ASB2: variants seen among roughly 807,000 people sequenced by gnomAD.
The protein encoded by ASB2 is ankyrin repeat and SOCS box containing 2, also known as ankyrin repeat and SOCS box protein 2.
ASB2 carries 58 observed loss-of-function variants against 62.4 expected under a neutral mutation model. That is an observed-to-expected ratio of 0.93 (90% CI 0.75 to 1.16). The LOEUF (loss-of-function observed/expected upper bound fraction) is 1.16. Among genes scored for constraint, ASB2 ranks in the 50% most tolerant of loss-of-function variants. The pLI is 0.00. For missense variants in ASB2, 928 were observed against 887.9 expected, an observed-to-expected ratio of 1.05 and a Z score of -0.57; for synonymous variants, 386 against 385.3, an observed-to-expected ratio of 1.00 and a Z score of -0.02.
chr14:93,935,430 A>ATTCATTCG (rs1488836530), intron 9 of ASB2, among the ~76,000 whole-genome samples: 2 of 152,060 alleles, frequency 1.3e-5, no homozygotes, highest in African/African-American at 4.8e-5. Flanking sequence ...AATGTCATTC[A>ATTCATTCG]TTCATTCATT....
chr14:93,972,646 C>T (rs963703038), intron 1 of ASB2, among the ~76,000 whole-genome samples: 2 of 152,220 alleles, frequency 1.3e-5, no homozygotes, highest in South Asian at 2.1e-4. Flanking sequence ...TCAGTTGCTC[C>T]GTGACCCTAA....
intron 9 of ASB2, 146 bp downstream of exon 9, chr14:93,937,552 G>T (rs1888313321): frequency 2.5e-6 from 2 of 811,934 alleles, no homozygotes; most frequent in Non-Finnish European, 1.8e-6. Flanking sequence ...CTGAGAGGCA[G>T]ATTCCTCATG....
intron 2 of ASB2, among the ~76,000 whole-genome samples, chr14:93,963,415 G>A (rs1398343759): frequency 6.6e-6 from 1 of 152,028 alleles, no homozygotes; most frequent in Non-Finnish European, 1.5e-5. Context: ...AGGAGCAAAA[G>A]CAATTTTATG....
At chr14:93,946,621 C>T (rs548172080) in intron 7 of ASB2, among the ~76,000 whole-genome samples, 1 of 152,344 alleles carries the variant, frequency 6.6e-6, no homozygotes, top group East Asian at 1.9e-4. Context: ...CTAGCCCCGG[C>T]TCGTCTGTCT....
At position 93,941,654 on chromosome 14, in the gene ASB2, T is replaced by TTG. The variant is rs758396554; in HGVS notation, c.1053-1983_1053-1982insCA. ...TGGCGGCCACGGCCAACAAATGCTC[T>TTG]GCTAACAGCTGTAACGTGCCCAAGA... On this transcript the variant is annotated intron_variant, in intron 7 of 9. Coordinates refer to ENST00000555019, the MANE Select transcript of ASB2 (RefSeq NM_001202429.2). 2.1e-3 allele frequency: 977 copies of TTG among 455,742 alleles called. 11 individuals carry two copies. The highest frequency in any genetic ancestry group is 0.017 in the African/African-American group (871 of 49,930). The allele number at this position is 455,742 out of a possible 1,614,324, so 28.2% of individuals were successfully genotyped here. A position where few individuals can be genotyped will look rare whatever the true frequency, so the allele number is the denominator to read the frequency against.
At position 93,950,888 on chromosome 14, in the gene ASB2, C is replaced by T. The variant is rs1362692299; in HGVS notation, c.880+111G>A. The T allele has an allele frequency of 2.5e-6, 3 of 1,210,744 alleles. No individual in the cohort carries two copies. In the African/African-American group the frequency reaches 4.5e-5, roughly 18 times the overall value. 75.0% of individuals were successfully genotyped at this position (1,210,744 alleles called of 1,614,324 possible). ...CTCTAGGAGGAAACTCTCACTCCAT[C>T]AGTGTGCGCACAAGATGACCCCTAA... is the stretch of plus-strand genomic sequence containing the variant. On this transcript the variant is annotated intron_variant, in intron 6 of 9. Coordinates refer to ENST00000555019, the MANE Select transcript of ASB2 (RefSeq NM_001202429.2).
intron 9 of ASB2, among the ~76,000 whole-genome samples, chr14:93,936,841 G>C (rs1226254230): frequency 3.9e-5 from 6 of 152,190 alleles, no homozygotes; most frequent in African/African-American, 1.4e-4. Flanking sequence ...CTCAGAGCCA[G>C]AGAAAGCCCT....
chr14:93,971,071 G>A (rs1019269898), intron 1 of ASB2, among the ~76,000 whole-genome samples: 3 of 152,196 alleles, frequency 2.0e-5, no homozygotes, highest in Non-Finnish European at 2.9e-5. Flanking sequence ...CGGTTCTCTA[G>A]GAGGCTCCAT....
Position 93,934,535 on chromosome 14 carries a change from T to A in ASB2, c.*121A>T. On this transcript the variant is annotated 3_prime_UTR_variant, in exon 10 of 10. Coordinates refer to ENST00000555019, the MANE Select transcript of ASB2 (RefSeq NM_001202429.2). ...GTGAGATCCTGGTAGCTGTCCAGGCTGAGAGGGAGGCAGCCTGCAGCCTCG... is the reference window on the plus strand; with the variant it reads ...GTGAGATCCTGGTAGCTGTCCAGGCAGAGAGGGAGGCAGCCTGCAGCCTCG... The A allele has an allele frequency of 1.0e-6, 1 of 987,238 alleles. No individual in the cohort carries two copies. Among genetic ancestry groups the A allele is most frequent in the South Asian group, 1.5e-5 (1 of 66,724 alleles). The allele number at this position is 987,238 out of a possible 1,614,324, so 61.2% of individuals were successfully genotyped here. A position where few individuals can be genotyped will look rare whatever the true frequency, so the allele number is the denominator to read the frequency against.
rs35127276 is a variant in ASB2, at chr14:93,938,233, C to CTTTTTTTTTTTTT, written c.1618-395_1618-383dup. On this transcript the variant is annotated intron_variant, in intron 8 of 9. Transcript: ENST00000555019. ...TGTCTAACTTCCTTTTAAGTTCTGA[C>CTTTTTTTTTTTTT]TTTTTTTTTTTTTTTTTTTTTTTTT... Among the ~76,000 whole-genome samples, 19 of 67,620 alleles carry CTTTTTTTTTTTTT rather than the reference C, an allele frequency of 2.8e-4. 2 individuals are homozygous for CTTTTTTTTTTTTT. Among genetic ancestry groups the CTTTTTTTTTTTTT allele is most frequent in the Middle Eastern group, 0.011 (1 of 90 alleles). 44.4% of individuals were successfully genotyped at this position (67,620 alleles called of 152,430 possible). A position where few individuals can be genotyped will look rare whatever the true frequency, so the allele number is the denominator to read the frequency against.
At chr14:93,942,549 C>G (rs1888566586) in intron 7 of ASB2, among the ~76,000 whole-genome samples, 1 of 152,230 alleles carries the variant, frequency 6.6e-6, no homozygotes. Context: ...GTCTGGGCTC[C>G]CACTCCAGGA....
chr14:93,957,128 A>ACC, intron 2 of ASB2: 1 of 1,340,162 alleles, frequency 7.5e-7, no homozygotes, highest in Non-Finnish European at 9.6e-7. Flanking sequence ...GGTTAACCTC[A>ACC]CCCCACCCCC....
intron 6 of ASB2, among the ~76,000 whole-genome samples, chr14:93,948,846 G>A (rs563827677): frequency 1.2e-4 from 19 of 152,230 alleles, no homozygotes; most frequent in Non-Finnish European, 2.6e-4. Context: ...TGAGGTGCAA[G>A]GATTACTTGA....
chr14:93,952,428 A>G (rs1170498735), intron 5 of ASB2, among the ~76,000 whole-genome samples: 1 of 152,182 alleles, frequency 6.6e-6, no homozygotes, highest in Non-Finnish European at 1.5e-5. Context: ...GTGACCTACT[A>G]CTCAGTTCCT....
intron 7 of ASB2, chr14:93,942,077 GCCAC>G (rs1470458182): frequency 4.8e-5 from 21 of 437,004 alleles, no homozygotes; most frequent in African/African-American, 4.2e-4. Context: ...TATGGGAGCG[GCCAC>G]GTTGGTAGCC....
chr14:93,938,429 A>G (rs974443469), intron 8 of ASB2, among the ~76,000 whole-genome samples: 1 of 151,718 alleles, frequency 6.6e-6, no homozygotes, highest in Admixed American at 6.6e-5. Context: ...TTTAGTTAAG[A>G]CGGGGTTTCA....
At chr14:93,941,407 C>A (rs1025449736) in intron 7 of ASB2, 9 of 317,082 alleles carry the variant, frequency 2.8e-5, no homozygotes, top group Admixed American at 4.5e-5. Context: ...CACAGGCTTC[C>A]TGGAAATCTG....
Position 93,962,365 on chromosome 14 carries a change from A to G in ASB2, c.206+1969T>C, listed in dbSNP as rs559686827. 2.0e-5 allele frequency among the ~76,000 whole-genome samples: 3 copies of G among 152,184 alleles called. No homozygotes were observed. The South Asian group carries it at 6.2e-4, about 32-fold the overall frequency. ...TCCCGACCTCGTGATCCGCCTAAAC[A>G]TTCTATCTAAGGGGTTTTTCTTCCC... On this transcript the variant is annotated intron_variant, in intron 2 of 9. Transcript: ENST00000555019.
chr14:93,953,297 C>T, intron 5 of ASB2, 55 bp downstream of exon 5: 1 of 1,467,344 alleles, frequency 6.8e-7, no homozygotes, highest in Non-Finnish European at 9.2e-7. Context: ...CCCTGTTGCT[C>T]ACCCAGCTTC....
Sources: gnomAD v4.1 joint callset for allele counts (sites outside exome capture counted in the v4.1 genomes callset) on GRCh38, gnomAD v4.1.1 for gene constraint, MANE v1.5 for transcripts, NCBI Gene and HGNC (gene_info 2026-07-23, HGNC 2026-07-21) for gene names.